Variants in PDZRN4 observed in about 807,000 individuals in gnomAD.
The protein encoded by PDZRN4 is PDZ domain containing ring finger 4, also known as PDZ domain-containing RING finger protein 4.
A neutral mutation model predicts 99.0 loss-of-function variants in PDZRN4; 70 were observed. The ratio of observed to expected loss-of-function variants is 0.71; its 90% CI spans 0.58 to 0.86. PDZRN4 has a LOEUF of 0.86. PDZRN4 is among the 40% of genes least tolerant of loss of function. The pLI is 0.00. For synonymous variants in PDZRN4, 551 were observed against 501.6 expected, an observed-to-expected ratio of 1.10 and a Z score of -1.32; for missense variants, 1,474 against 1,331.2, an observed-to-expected ratio of 1.11 and a Z score of -1.67.
At chr12:41,206,003 C>G (rs1950847701) in intron 3 of PDZRN4, among the ~76,000 whole-genome samples, 1 of 151,928 alleles carries the variant, frequency 6.6e-6, no homozygotes, top group Non-Finnish European at 1.5e-5. Flanking sequence ...GATGTCCACT[C>G]ACATTGCTGC....
chr12:41,294,200 T>G (rs73122836), intron 3 of PDZRN4, among the ~76,000 whole-genome samples: 20,129 of 152,144 alleles, frequency 0.13, 1,741 homozygotes, highest in African/African-American at 0.25. Flanking sequence ...TTATGGGAGA[T>G]GCATGAACTT....
chr12:41,354,312 T>C (rs10880058), intron 3 of PDZRN4, among the ~76,000 whole-genome samples: 58,567 of 151,844 alleles, frequency 0.39, 11,401 homozygotes, highest in African/African-American at 0.41. Flanking sequence ...GGCTAACATA[T>C]AGACCACACA....
chr12:41,561,104 A>G (rs1390193255), intron 7 of PDZRN4, among the ~76,000 whole-genome samples: 5 of 152,148 alleles, frequency 3.3e-5, no homozygotes, highest in African/African-American at 1.2e-4. Flanking sequence ...GGGGAGAGAA[A>G]TGAATACCAA....
chr12:41,487,332 C>T (rs1295299181), intron 3 of PDZRN4, among the ~76,000 whole-genome samples: 1 of 151,940 alleles, frequency 6.6e-6, no homozygotes, highest in Non-Finnish European at 1.5e-5. Context: ...AAAAATATTT[C>T]CTAATTTTCC....
chr12:41,272,794 G>A (rs375688239), intron 3 of PDZRN4, among the ~76,000 whole-genome samples: 5 of 152,036 alleles, frequency 3.3e-5, no homozygotes, highest in African/African-American at 1.2e-4. Flanking sequence ...AAAGTGCTTT[G>A]TTTTCTTTCC....
chr12:41,374,653 T>G (rs1484122200), intron 3 of PDZRN4, among the ~76,000 whole-genome samples: 3 of 152,120 alleles, frequency 2.0e-5, no homozygotes, highest in Non-Finnish European at 2.9e-5. Context: ...TAAGCATGAA[T>G]GGAGGGGATA....
intron 3 of PDZRN4, among the ~76,000 whole-genome samples, chr12:41,349,617 TA>T (rs1216864747): frequency 6.6e-6 from 1 of 151,998 alleles, no homozygotes; most frequent in Non-Finnish European, 1.5e-5. Flanking sequence ...TGTCCTTCCT[TA>T]AAAACATTAA....
At chr12:41,299,381 A>C (rs1951518189) in intron 3 of PDZRN4, among the ~76,000 whole-genome samples, 1 of 152,112 alleles carries the variant, frequency 6.6e-6, no homozygotes, top group East Asian at 1.9e-4. Context: ...CAATTAAATC[A>C]TCAAGATTTC....
intron 3 of PDZRN4, among the ~76,000 whole-genome samples, chr12:41,246,103 TGTA>T (rs1256049451): frequency 1.3e-5 from 2 of 152,234 alleles, no homozygotes; most frequent in African/African-American, 4.8e-5. Flanking sequence ...ATGTTCCAAC[TGTA>T]GGGAGATTTC....
chr12:41,285,632 A>G (rs1195354235), intron 3 of PDZRN4, among the ~76,000 whole-genome samples: 1 of 152,226 alleles, frequency 6.6e-6, no homozygotes, highest in East Asian at 1.9e-4. Context: ...AGACTGGACA[A>G]AGAAAATATG....
intron 3 of PDZRN4, among the ~76,000 whole-genome samples, chr12:41,404,561 T>C (rs1017554817): frequency 2.6e-5 from 4 of 152,098 alleles, no homozygotes; most frequent in Admixed American, 1.3e-4. Context: ...GGAATCACTA[T>C]TATTAAAATG....
chr12:41,413,384 A>G (rs1952414587), intron 3 of PDZRN4, among the ~76,000 whole-genome samples: 1 of 152,128 alleles, frequency 6.6e-6, no homozygotes. Flanking sequence ...GAAACAGGGG[A>G]TAGGGAGGGA....
chr12:41,261,752 A>G (rs73270809), intron 3 of PDZRN4, among the ~76,000 whole-genome samples: 22,085 of 152,090 alleles, frequency 0.15, 2,483 homozygotes, highest in African/African-American at 0.31. Context: ...GCCTCCCAAA[A>G]TGCTAGGATT....
intron 5 of PDZRN4, among the ~76,000 whole-genome samples, chr12:41,514,111 G>T (rs963839647): frequency 2.0e-5 from 3 of 152,100 alleles, no homozygotes; most frequent in Non-Finnish European, 4.4e-5. Flanking sequence ...AACTTTGCTT[G>T]AAGAGGTATT....
intron 3 of PDZRN4, among the ~76,000 whole-genome samples, chr12:41,467,320 G>A (rs1952936873): frequency 1.3e-5 from 2 of 152,166 alleles, no homozygotes; most frequent in South Asian, 2.1e-4. Context: ...AGTTTTGACT[G>A]AAAATATGTG....
In PDZRN4 at chr12:41,257,060, A is replaced by G. The variant is rs564735159; in HGVS notation, c.843+62872A>G. 1.7e-3 allele frequency among the ~76,000 whole-genome samples: 253 copies of G among 152,274 alleles called. 3 individuals are homozygous for G. The highest frequency in any genetic ancestry group is 5.6e-3 in the African/African-American group (232 of 41,568). On this transcript the variant is annotated intron_variant, in intron 3 of 9. Transcript: ENST00000402685. ...TCACCTGGACTGTGCCTCCTGCATCATCTACTTATACTCACTTCCTCTCAG... is the reference window on the plus strand; with the variant it reads ...TCACCTGGACTGTGCCTCCTGCATCGTCTACTTATACTCACTTCCTCTCAG...
At chr12:41,415,964 C>G (rs752130027) in intron 3 of PDZRN4, among the ~76,000 whole-genome samples, 1 of 152,126 alleles carries the variant, frequency 6.6e-6, no homozygotes, top group Non-Finnish European at 1.5e-5. Flanking sequence ...ATGAAACAGA[C>G]TAAGTCTAGC....
intron 3 of PDZRN4, among the ~76,000 whole-genome samples, chr12:41,485,893 G>C (rs112324667): frequency 6.6e-6 from 1 of 152,006 alleles, no homozygotes; most frequent in Non-Finnish European, 1.5e-5. Context: ...ACACCTAAAG[G>C]TATGCTGTTA....
At chr12:41,421,810 A>AT (rs1488615607) in intron 3 of PDZRN4, among the ~76,000 whole-genome samples, 1 of 152,108 alleles carries the variant, frequency 6.6e-6, no homozygotes, top group Non-Finnish European at 1.5e-5. Flanking sequence ...ATCTTATTAT[A>AT]TTTTTCTGAA....
Sources: gnomAD v4.1 joint callset for allele counts (sites outside exome capture counted in the v4.1 genomes callset) on GRCh38, gnomAD v4.1.1 for gene constraint, MANE v1.5 for transcripts, NCBI Gene and HGNC (gene_info 2026-07-23, HGNC 2026-07-21) for gene names.